RANBP2: variants seen among roughly 807,000 people sequenced by gnomAD.
RANBP2 encodes RAN binding protein 2, also known as E3 SUMO-protein ligase RanBP2.
A neutral mutation model predicts 303.6 loss-of-function variants in RANBP2; 57 were observed. That is an observed-to-expected ratio of 0.19 (90% CI 0.15 to 0.23). The LOEUF (loss-of-function observed/expected upper bound fraction) is 0.23, where lower values mean the gene tolerates loss of function less well. RANBP2 is among the 10% of genes least tolerant of loss of function. The pLI is 1.00. For missense variants in RANBP2, 3,138 were observed against 3,780.8 expected, an observed-to-expected ratio of 0.83 and a Z score of 4.46; for synonymous variants, 1,167 against 1,301.5, an observed-to-expected ratio of 0.90 and a Z score of 2.23.
In RANBP2 at chr2:108,766,908, A is replaced by C; in HGVS notation, c.6369A>C (p.Ala2123=). 1 of 1,610,612 alleles carries C rather than the reference A, an allele frequency of 6.2e-7. No homozygotes were observed. The highest frequency in any genetic ancestry group is 1.1e-5 in the South Asian group (1 of 90,992). ...SDGDAKLEQL[A]AKFKTPELAE... Reference sequence around the variant, plus strand: ...GTGATGCCAAACTAGAGCAGTTGGCAGCAAAATTTAAAACACCAGAGCTGG... The same window carrying C: ...GTGATGCCAAACTAGAGCAGTTGGCCGCAAAATTTAAAACACCAGAGCTGG... Residue 2123 remains alanine, a synonymous_variant, in exon 20 of 29, where the codon GCA becomes GCC. Transcript: ENST00000283195.
At chr2:109,076,198 C>G in the RANBP2 span, among the ~76,000 whole-genome samples, 1 of 149,852 alleles carries the variant, frequency 6.7e-6, no homozygotes, top group Non-Finnish European at 1.5e-5. Context: ...AAAAAATGAC[C>G]ATCTCAATAG....
chr2:109,437,125 G>C, the RANBP2 span: 1 of 1,611,964 alleles, frequency 6.2e-7, no homozygotes, highest in Admixed American at 1.7e-5. Flanking sequence ...GGCCAGCCAA[G>C]CCCGGAGCAC....
chr2:109,185,684 GC>G, the RANBP2 span, among the ~76,000 whole-genome samples: 2 of 152,194 alleles, frequency 1.3e-5, no homozygotes, highest in Non-Finnish European at 2.9e-5. Context: ...TAGGCACATG[GC>G]TCTTGGTGGA....
At chr2:109,149,756 GAGTA>G in the RANBP2 span, among the ~76,000 whole-genome samples, 1 of 152,216 alleles carries the variant, frequency 6.6e-6, no homozygotes, top group Non-Finnish European at 1.5e-5. Context: ...AAGACGTTGT[GAGTA>G]AGTGACAATT....
chr2:109,401,804 C>CTTCT, the RANBP2 span, among the ~76,000 whole-genome samples: 1 of 152,224 alleles, frequency 6.6e-6, no homozygotes, highest in Non-Finnish European at 1.5e-5. Flanking sequence ...CAGAGGGAAC[C>CTTCT]TTTCTAAGCT....
At chr2:109,390,682 A>G in the RANBP2 span, among the ~76,000 whole-genome samples, 2 of 151,974 alleles carry the variant, frequency 1.3e-5, no homozygotes, top group South Asian at 2.1e-4. Context: ...AGACCCATGG[A>G]CTCTGGGATG....
At chr2:109,295,639 T>C in the RANBP2 span, among the ~76,000 whole-genome samples, 4 of 152,072 alleles carry the variant, frequency 2.6e-5, no homozygotes, top group Non-Finnish European at 5.9e-5. Flanking sequence ...GCAGACTCAC[T>C]GCAGCCCCAC....
the RANBP2 span, among the ~76,000 whole-genome samples, chr2:109,032,520 G>T: frequency 6.6e-6 from 1 of 152,076 alleles, no homozygotes; most frequent in African/African-American, 2.4e-5. Context: ...TTTACACCAT[G>T]GAAGGGCTTT....
the RANBP2 span, among the ~76,000 whole-genome samples, chr2:108,991,966 A>T: frequency 2.0e-5 from 3 of 151,916 alleles, no homozygotes; most frequent in African/African-American, 7.3e-5. Context: ...CTCCCATCTA[A>T]TTTTTGTATT....
the RANBP2 span, among the ~76,000 whole-genome samples, chr2:109,002,698 C>G: frequency 6.6e-6 from 1 of 152,180 alleles, no homozygotes; most frequent in Non-Finnish European, 1.5e-5. Context: ...GGTTCTAAAG[C>G]TAGACCTGCC....
chr2:108,720,527 A>G (rs1385873695), intron 1 of RANBP2, among the ~76,000 whole-genome samples: 1 of 152,214 alleles, frequency 6.6e-6, no homozygotes, highest in Admixed American at 6.5e-5. Context: ...GGAAGAAGCT[A>G]TTAAAGGTGG....
chr2:109,503,340 C>A, the RANBP2 span: 2 of 152,132 alleles, frequency 1.3e-5, no homozygotes, highest in Non-Finnish European at 2.9e-5. Context: ...GGCATGAAGA[C>A]TTTGAAACAC....
At chr2:109,645,523 C>T in the RANBP2 span, among the ~76,000 whole-genome samples, 4,692 of 152,282 alleles carry the variant, frequency 0.031, 86 homozygotes, top group South Asian at 0.069. Flanking sequence ...AGAAGGCTTT[C>T]CGGGGAGATG....
chr2:109,453,671 C>CGGTTCATAAT, the RANBP2 span, among the ~76,000 whole-genome samples: 1 of 152,154 alleles, frequency 6.6e-6, no homozygotes, highest in Non-Finnish European at 1.5e-5. Flanking sequence ...CGCAGGCACA[C>CGGTTCATAAT]GGTTCATAAT....
At chr2:109,019,130 C>T in the RANBP2 span, among the ~76,000 whole-genome samples, 1,256 of 152,340 alleles carry the variant, frequency 8.2e-3, 23 homozygotes, top group African/African-American at 0.029. Flanking sequence ...AATGCCGTCT[C>T]GGTAATGCTG....
At chr2:109,437,629 A>G in the RANBP2 span, among the ~76,000 whole-genome samples, 1 of 152,100 alleles carries the variant, frequency 6.6e-6, no homozygotes, top group African/African-American at 2.4e-5. Context: ...GGCTGGGGTG[A>G]GACTCGGGCC....
the RANBP2 span, among the ~76,000 whole-genome samples, chr2:109,114,888 G>A: frequency 6.6e-6 from 1 of 152,160 alleles, no homozygotes. Context: ...ATTTCGTTAT[G>A]TACCCAGTAG....
the RANBP2 span, among the ~76,000 whole-genome samples, chr2:109,629,231 T>TAAATAAAA: frequency 8.8e-6 from 1 of 113,996 alleles, no homozygotes; most frequent in South Asian, 3.3e-4. Flanking sequence ...AATAAATAAA[T>TAAATAAAA]AAATAAAATG....
the RANBP2 span, among the ~76,000 whole-genome samples, chr2:108,867,430 AC>A: frequency 1.3e-5 from 2 of 152,240 alleles, no homozygotes; most frequent in Admixed American, 1.3e-4. Context: ...ATGGTTCAAA[AC>A]TGGAAAAATG....
Sources: allele counts gnomAD v4.1 joint callset (sites outside exome capture counted in the v4.1 genomes callset), GRCh38; gene constraint gnomAD v4.1.1; transcripts MANE v1.5; gene names NCBI Gene and HGNC (gene_info 2026-07-23, HGNC 2026-07-21).